The following ZNF559 variants were observed in gnomAD, a reference collection of about 807,000 sequenced individuals.
ZNF559 encodes the protein putative protein product of Nbla00121.
ZNF559 carries 17 observed loss-of-function variants against 14.2 expected under a neutral mutation model. The ratio of observed to expected loss-of-function variants is 1.20; its 90% CI spans 0.82 to 1.80. ZNF559 has a LOEUF of 1.80. Ranked by LOEUF, ZNF559 falls within the 40% of genes most tolerant of loss-of-function variation. ZNF559 has a pLI of 0.00. For synonymous variants in ZNF559, 244 were observed against 212.4 expected (o/e 1.15, Z -1.29); for missense variants, 740 against 629.7 (o/e 1.18, Z -1.88).
At position 9,341,005 on chromosome 19, in the gene ZNF559, G is replaced by T. The variant is rs564133759; in HGVS notation, c.161-97G>T. 5.5e-6 allele frequency: 5 copies of T among 901,672 alleles called. No homozygotes were observed. The South Asian group carries it at 6.1e-5, about 11-fold the overall frequency. 55.9% of individuals were successfully genotyped at this position (901,672 alleles called of 1,614,324 possible). On this transcript the variant is annotated intron_variant, in intron 5 of 6. Transcript: ENST00000603380. ...AAAACAAACTATATTTCAAGCCAGTGTTTGAAACTACAGTACATACTAGTC... is the reference window on the plus strand; with the variant it reads ...AAAACAAACTATATTTCAAGCCAGTTTTTGAAACTACAGTACATACTAGTC...
At chr19:9,337,935 C>CG in intron 3 of ZNF559, 77 bp downstream of exon 3, 1 of 1,535,782 alleles carries the variant, frequency 6.5e-7, no homozygotes, top group Admixed American at 2.0e-5. Flanking sequence ...GACAGTGTCT[C>CG]GAAGAGACTT....
At chr19:9,326,159 G>A (rs1300144921) in intron 2 of ZNF559, among the ~76,000 whole-genome samples, 1 of 137,084 alleles carries the variant, frequency 7.3e-6, no homozygotes, top group African/African-American at 2.7e-5. Flanking sequence ...TCCCAGGCTG[G>A]AGTGCAGTGG....
At chr19:9,337,959 T>C in intron 3 of ZNF559, 101 bp downstream of exon 3, 1 of 1,536,056 alleles carries the variant, frequency 6.5e-7, no homozygotes, top group African/African-American at 1.4e-5. Flanking sequence ...GAACAAGATA[T>C]TCAGGCACAT....
rs1456914930 is a variant in ZNF559 at position 9,343,933 on chromosome 19, A to G, written c.*865A>G. On this transcript the variant is annotated 3_prime_UTR_variant, in exon 7 of 7. Coordinates refer to ENST00000603380, the MANE Select transcript of ZNF559 (RefSeq NM_032497.3). ...ACTCTTTCCCCCATTTGTCACTACT[A>G]CACTTCCCTAGTCTTTAAAACAATT... is the stretch of plus-strand genomic sequence containing the variant. 7.9e-6 allele frequency: 4 copies of G among 504,266 alleles called. No homozygotes were observed. The highest frequency in any genetic ancestry group is 6.4e-5 in the Admixed American group (1 of 15,672). The allele number at this position is 504,266 out of a possible 1,614,324, so 31.2% of individuals were successfully genotyped here. A position where few individuals can be genotyped will look rare whatever the true frequency, so the allele number is the denominator to read the frequency against.
chr19:9,333,672 A>G (rs1215210768), intron 2 of ZNF559, among the ~76,000 whole-genome samples: 2 of 152,114 alleles, frequency 1.3e-5, no homozygotes, highest in African/African-American at 2.4e-5. Flanking sequence ...CCTGGGCAAC[A>G]GAACAGGGCC....
At position 9,324,708 on chromosome 19, in the gene ZNF559, G is replaced by C. The variant is rs2066483457; in HGVS notation, c.-192G>C. ...TTTCTCTATAAGGAACAGCATCTCT[G>C]CCTTCCTGTTCACGGTGACCTTCGC... On this transcript the variant is annotated 5_prime_UTR_variant, in exon 2 of 7. Transcript: ENST00000603380. The C allele has an allele frequency of 6.5e-7, 1 of 1,532,816 alleles. No individual in the cohort carries two copies. The highest frequency in any genetic ancestry group is 8.7e-7 in the Non-Finnish European group (1 of 1,146,268). 95.0% of individuals were successfully genotyped at this position (1,532,816 alleles called of 1,614,324 possible). A position where few individuals can be genotyped will look rare whatever the true frequency, so the allele number is the denominator to read the frequency against.
At chr19:9,326,804 C>T (rs1458750094) in intron 2 of ZNF559, among the ~76,000 whole-genome samples, 1 of 152,140 alleles carries the variant, frequency 6.6e-6, no homozygotes, top group Non-Finnish European at 1.5e-5. Flanking sequence ...AGCTAATTTT[C>T]ATTGGAAATT....
chr19:9,326,328 A>G (rs868555716), intron 2 of ZNF559, among the ~76,000 whole-genome samples: 2 of 152,144 alleles, frequency 1.3e-5, no homozygotes. Flanking sequence ...GCTGGTCTCG[A>G]ACTCCTGACC....
Position 9,343,452 on chromosome 19 carries a change from A to G in ZNF559, c.*384A>G. On this transcript the variant is annotated 3_prime_UTR_variant, in exon 7 of 7. Coordinates refer to ENST00000603380, the MANE Select transcript of ZNF559 (RefSeq NM_032497.3). Reference sequence around the variant, plus strand: ...TACTGAGCTTGTGAGCACATTGGATATAAATGCACGTCCTCTGGCTGTAAG... The same window carrying G: ...TACTGAGCTTGTGAGCACATTGGATGTAAATGCACGTCCTCTGGCTGTAAG... 5 of 1,044,950 alleles carry G rather than the reference A, an allele frequency of 4.8e-6. No individual in the cohort carries two copies. The highest frequency in any genetic ancestry group is 1.7e-5 in the African/African-American group (1 of 59,790). 64.7% of individuals were successfully genotyped at this position (1,044,950 alleles called of 1,614,324 possible).
At chr19:9,326,328 A>C (rs868555716) in intron 2 of ZNF559, among the ~76,000 whole-genome samples, 4 of 152,144 alleles carry the variant, frequency 2.6e-5, no homozygotes, top group African/African-American at 7.2e-5. Flanking sequence ...GCTGGTCTCG[A>C]ACTCCTGACC....
intron 2 of ZNF559, among the ~76,000 whole-genome samples, chr19:9,331,037 CCTTCT>C (rs1328238605): frequency 5.9e-5 from 9 of 152,200 alleles, no homozygotes; most frequent in Admixed American, 2.6e-4. Flanking sequence ...GACAAGCACA[CCTTCT>C]CTTCTCTCTC....
At chr19:9,323,871 C>G (rs1411885970), upstream of ZNF559, 4 of 413,094 alleles carry the variant, frequency 9.7e-6, no homozygotes, top group East Asian at 1.6e-4. Flanking sequence ...TGCCGCTTGG[C>G]CAGTTCCCAC....
chr19:9,338,690 G>A, intron 4 of ZNF559, 108 bp downstream of exon 4: 1 of 804,438 alleles, frequency 1.2e-6, no homozygotes, highest in South Asian at 1.6e-5. Flanking sequence ...GGTCTGCTTA[G>A]GGACCACATC....
rs894230066 is a variant in ZNF559 at position 9,344,939 on chromosome 19, A to C, written c.*1871A>C. 6.6e-6 allele frequency: 1 copy of C among 152,212 alleles called. No homozygotes were observed. The highest frequency in any genetic ancestry group is 1.5e-5 in the Non-Finnish European group (1 of 68,038). The allele number at this position is 152,212 out of a possible 1,614,324, so 9.4% of individuals were successfully genotyped here. On this transcript the variant is annotated 3_prime_UTR_variant, in exon 7 of 7. Coordinates refer to ENST00000603380, the MANE Select transcript of ZNF559 (RefSeq NM_032497.3). ...CACATACACATATGTGTACATACAC[A>C]CCATCAAGATAATGAACATACCTAT...
rs759613438 is a variant in ZNF559 at position 9,339,329 on chromosome 19, G to C, written c.160+10G>C. 6.3e-7 allele frequency: 1 copy of C among 1,592,166 alleles called. No homozygotes were observed. The highest frequency in any genetic ancestry group is 8.6e-7 in the Non-Finnish European group (1 of 1,168,664). On this transcript the variant is annotated intron_variant, in intron 5 of 6. Transcript: ENST00000603380. ...AATCTAGTTGCAGTAGGTAAGGCTG[G>C]TACCATTCTTTTCATTTAGTTTTTT...
rs138197363 is a variant in ZNF559 at position 9,324,977 on chromosome 19, C to G, written c.-120+197C>G. Among the ~76,000 whole-genome samples, 48 of 152,290 alleles carry G rather than the reference C, an allele frequency of 3.2e-4. No individual in the cohort carries two copies. In the East Asian group the frequency reaches 8.3e-3, roughly 26 times the overall value. On this transcript the variant is annotated intron_variant, in intron 2 of 6. Transcript: ENST00000603380. ...AACACAGGACTACTCAACTGTGGTT[C>G]CAGGCCATCACCTAGATCTCACTCT...
rs1488191119 is a variant in ZNF559, at chr19:9,344,922, CAT to C, written c.*1857_*1858del. The C allele has an allele frequency of 4.6e-5, 7 of 152,296 alleles. No homozygotes were observed. The highest frequency in any genetic ancestry group is 3.9e-4 in the East Asian group (2 of 5,190). The allele number at this position is 152,296 out of a possible 1,614,324, so 9.4% of individuals were successfully genotyped here. A position where few individuals can be genotyped will look rare whatever the true frequency, so the allele number is the denominator to read the frequency against. On this transcript the variant is annotated 3_prime_UTR_variant, in exon 7 of 7. Coordinates refer to ENST00000603380, the MANE Select transcript of ZNF559 (RefSeq NM_032497.3). ...TACACTTTAAGTTTGGACACATACA[CAT>C]ATGTGTACATACACACCATCAAGAT...
Position 9,334,553 on chromosome 19 carries a change from G to A in ZNF559, c.-119-3243G>A, listed in dbSNP as rs187137195. Among the ~76,000 whole-genome samples the A allele has an allele frequency of 3.2e-4, 48 of 152,260 alleles. No homozygotes were observed. In the East Asian group the frequency reaches 6.4e-3, roughly 20 times the overall value. On this transcript the variant is annotated intron_variant, in intron 2 of 6. Transcript: ENST00000603380. The stretch of plus-strand genomic sequence containing the variant: ...AAAACAGACAAAATTAACCTATACC[G>A]TTAGAAGTGAGAATAGTTTCCATTT...
At chr19:9,330,758 T>C (rs2066894617) in intron 2 of ZNF559, among the ~76,000 whole-genome samples, 1 of 152,226 alleles carries the variant, frequency 6.6e-6, no homozygotes, top group African/African-American at 2.4e-5. Flanking sequence ...ATCTTTAAGA[T>C]GATTGTTATG....
Sources: allele counts gnomAD v4.1 joint callset (sites outside exome capture counted in the v4.1 genomes callset), GRCh38; gene constraint gnomAD v4.1.1; transcripts MANE v1.5; gene names NCBI Gene and HGNC (gene_info 2026-07-23, HGNC 2026-07-21).